GGA3: variants seen among roughly 807,000 people sequenced by gnomAD.
The protein encoded by GGA3 is ADP-ribosylation factor-binding protein GGA3.
In GGA3, 57 loss-of-function variants were observed where a neutral mutation model predicts 77.5. The observed-to-expected ratio is 0.74, with a 90% confidence interval of 0.59 to 0.92. The LOEUF is 0.92. Ranked by LOEUF, GGA3 falls within the 40% of genes least tolerant of loss-of-function variation. The probability of loss-of-function intolerance (pLI) is 0.00; values close to 1 mark genes in which losing one functional copy is unlikely to be tolerated. For missense variants in GGA3, 970 were observed against 914.9 expected (o/e 1.06, Z -0.78); for synonymous variants, 416 against 383.7 (o/e 1.08, Z -0.98).
At chr17:75,247,539 G>C (rs1175240101) in intron 1 of GGA3, among the ~76,000 whole-genome samples, 1 of 152,188 alleles carries the variant, frequency 6.6e-6, no homozygotes, top group Non-Finnish European at 1.5e-5. Flanking sequence ...TGGGATTACA[G>C]GCGTGAGTCA....
At chr17:75,260,325 CTT>C (rs1598464572) in intron 1 of GGA3, among the ~76,000 whole-genome samples, 1 of 152,282 alleles carries the variant, frequency 6.6e-6, no homozygotes, top group Admixed American at 6.5e-5. Flanking sequence ...AGGATGTCCT[CTT>C]TTTGTGAAAT....
At chr17:75,261,121 A>T (rs1450865877) in intron 1 of GGA3, among the ~76,000 whole-genome samples, 1 of 152,246 alleles carries the variant, frequency 6.6e-6, no homozygotes, top group Non-Finnish European at 1.5e-5. Flanking sequence ...AGTCGGCAGC[A>T]CCCACCACTA....
At chr17:75,249,624 CAA>C in intron 1 of GGA3, among the ~76,000 whole-genome samples, 1 of 152,232 alleles carries the variant, frequency 6.6e-6, no homozygotes, top group Middle Eastern at 3.4e-3. Flanking sequence ...CACATAACAC[CAA>C]AAGTCTACAG....
In GGA3 at chr17:75,261,572, C is replaced by T; in HGVS notation, c.16G>A (p.Gly6Arg). The change falls in exon 1 of 17, where the codon GGG becomes AGG. Residue 6 changes from glycine to arginine, a missense_variant. Gly to Arg is a moderately radical substitution (Grantham distance 125, BLOSUM62 -2). Coordinates refer to ENST00000537686, the MANE Select transcript of GGA3 (RefSeq NM_138619.4). Reference sequence around the variant, plus strand: ...CTGAGCCAGGACTCCAGGCTTTCCCCTTCCGCCTCCGCCATATTGCAGCCG... The same window carrying T: ...CTGAGCCAGGACTCCAGGCTTTCCCTTTCCGCCTCCGCCATATTGCAGCCG... MAEAE[G>R]ESLESWLNKA... is the part of the protein sequence containing the mutation. The T allele has an allele frequency of 8.4e-6, 13 of 1,555,456 alleles. No homozygotes were observed. The highest frequency in any genetic ancestry group is 2.3e-5 in the East Asian group (1 of 42,602).
upstream of GGA3, chr17:75,261,710 C>A: frequency 1.7e-6 from 2 of 1,160,042 alleles, no homozygotes; most frequent in Non-Finnish European, 2.4e-6. Context: ...CGCCAGACTG[C>A]GACGGATACA....
rs760309497 is a variant in GGA3 at position 75,238,232 on chromosome 17, G to C, written c.*47C>G. The C allele has an allele frequency of 6.2e-7, 1 of 1,601,440 alleles. No individual in the cohort carries two copies. Among genetic ancestry groups the C allele is most frequent in the African/African-American group, 1.3e-5 (1 of 74,722 alleles). On this transcript the variant is annotated 3_prime_UTR_variant, in exon 17 of 17. Coordinates refer to ENST00000537686, the MANE Select transcript of GGA3 (RefSeq NM_138619.4). ...CGGGACCAGAGCCCTCCTCGTCTCAGGGCAGCCTGCCTGGCTTCAAGGTGG... is the reference window on the plus strand; with the variant it reads ...CGGGACCAGAGCCCTCCTCGTCTCACGGCAGCCTGCCTGGCTTCAAGGTGG...
chr17:75,253,298 ATTCCT>A (rs1163300227), intron 1 of GGA3, among the ~76,000 whole-genome samples: 1 of 151,856 alleles, frequency 6.6e-6, no homozygotes, highest in Non-Finnish European at 1.5e-5. Context: ...CTTAATTTCA[ATTCCT>A]TTCATTTTCT....
upstream of GGA3, chr17:75,262,036 C>T (rs2077407423): frequency 6.3e-7 from 1 of 1,590,196 alleles, no homozygotes; most frequent in African/African-American, 1.3e-5. Context: ...GGAAGGGGGC[C>T]ACAGGCAGGC....
In GGA3 at chr17:75,237,075, T is replaced by C; in HGVS notation, c.*1204A>G. ...CTTCCCCCGTGTCTATGGCAGCTGG[T>C]GATTTTTTTTTTGTGACGGAGGCTT... On this transcript the variant is annotated 3_prime_UTR_variant, in exon 17 of 17. Transcript: ENST00000537686. The C allele has an allele frequency of 4.4e-6, 1 of 229,130 alleles. No homozygotes were observed. The highest frequency in any genetic ancestry group is 9.8e-5 in the East Asian group (1 of 10,254). The allele number at this position is 229,130 out of a possible 1,614,324, so 14.2% of individuals were successfully genotyped here. A position where few individuals can be genotyped will look rare whatever the true frequency, so the allele number is the denominator to read the frequency against.
chr17:75,251,835 G>A (rs577444909), intron 1 of GGA3, among the ~76,000 whole-genome samples: 12 of 147,368 alleles, frequency 8.1e-5, no homozygotes, highest in Admixed American at 6.8e-4. Flanking sequence ...GCAGTGGTGC[G>A]ATCATGGCTT....
chr17:75,240,318 C>T (rs1218612704), intron 12 of GGA3, 24 bp downstream of exon 12: 7 of 1,506,306 alleles, frequency 4.6e-6, no homozygotes, highest in Non-Finnish European at 6.4e-6. Flanking sequence ...CACAGTAGTG[C>T]TGTCACCGAT....
At chr17:75,250,579 A>G (rs781088513) in intron 1 of GGA3, among the ~76,000 whole-genome samples, 3 of 151,480 alleles carry the variant, frequency 2.0e-5, no homozygotes, top group African/African-American at 7.3e-5. Flanking sequence ...CCTGTTCAAC[A>G]TGGTGAAATC....
At position 75,261,575 on chromosome 17, in the gene GGA3, C is replaced by T; in HGVS notation, c.13G>A (p.Glu5Lys). 3.9e-6 allele frequency: 6 copies of T among 1,555,984 alleles called. No homozygotes were observed. Among genetic ancestry groups the T allele is most frequent in the East Asian group, 2.3e-5 (1 of 42,604 alleles). Residue 5 changes from glutamate (E) to lysine (K), a missense_variant, in exon 1 of 17, where the codon GAA becomes AAA. Physicochemically the swap from Glu to Lys is moderately conservative, Grantham distance 56. Coordinates refer to ENST00000537686, the MANE Select transcript of GGA3 (RefSeq NM_138619.4). ...AGCCAGGACTCCAGGCTTTCCCCTTCCGCCTCCGCCATATTGCAGCCGCCC... is the reference window on the plus strand; with the variant it reads ...AGCCAGGACTCCAGGCTTTCCCCTTTCGCCTCCGCCATATTGCAGCCGCCC... Reference protein sequence around the residue: MAEAEGESLESWLNK... With the variant: MAEAKGESLESWLNK...
Position 75,237,625 on chromosome 17 carries a change from CCA to C in GGA3, c.*652_*653del. 6.6e-7 allele frequency: 1 copy of C among 1,521,634 alleles called. No homozygotes were observed. The highest frequency in any genetic ancestry group is 8.8e-7 in the Non-Finnish European group (1 of 1,138,632). The allele number at this position is 1,521,634 out of a possible 1,614,324, so 94.3% of individuals were successfully genotyped here. A position where few individuals can be genotyped will look rare whatever the true frequency, so the allele number is the denominator to read the frequency against. ...CAAATTCCATGTCCTGCCAAGATGT[CCA>C]TAGGACACAGCCTGCCACTGCCAGG... On this transcript the variant is annotated 3_prime_UTR_variant, in exon 17 of 17. Transcript: ENST00000537686.
intron 13 of GGA3, 35 bp downstream of exon 13, chr17:75,239,754 C>A (rs184770412): frequency 6.8e-6 from 11 of 1,607,442 alleles, no homozygotes; most frequent in African/African-American, 1.3e-5. Flanking sequence ...TCAGGCCCAA[C>A]CCTCAGCAAC....
At chr17:75,240,543 G>A (rs957989321) in intron 11 of GGA3, 131 bp from the exon 12 acceptor site, 14 of 692,560 alleles carry the variant, frequency 2.0e-5, no homozygotes, top group South Asian at 5.4e-5. Context: ...CTGTTCTGCA[G>A]GCAGCCTCCA....
chr17:75,244,589 C>T, intron 4 of GGA3, 30 bp downstream of exon 4: 1 of 1,414,024 alleles, frequency 7.1e-7, no homozygotes, highest in Non-Finnish European at 1.0e-6. Flanking sequence ...AAAGAAGTCC[C>T]TAAAAGCGAG....
At position 75,238,211 on chromosome 17, in the gene GGA3, A is replaced by C; in HGVS notation, c.*68T>G. 1 of 1,581,316 alleles carries C rather than the reference A, an allele frequency of 6.3e-7. No individual in the cohort carries two copies. The highest frequency in any genetic ancestry group is 1.7e-4 in the Middle Eastern group (1 of 5,770). Reference sequence around the variant, plus strand: ...TTGTCAGGGCATGGAGAGTGACGGGACCAGAGCCCTCCTCGTCTCAGGGCA... The same window carrying C: ...TTGTCAGGGCATGGAGAGTGACGGGCCCAGAGCCCTCCTCGTCTCAGGGCA... On this transcript the variant is annotated 3_prime_UTR_variant, in exon 17 of 17. Coordinates refer to ENST00000537686, the MANE Select transcript of GGA3 (RefSeq NM_138619.4).
At chr17:75,256,694 C>A (rs1280632386) in intron 1 of GGA3, among the ~76,000 whole-genome samples, 1 of 152,080 alleles carries the variant, frequency 6.6e-6, no homozygotes, top group Non-Finnish European at 1.5e-5. Flanking sequence ...CTCAGTGTTC[C>A]ATCTGCTATT....
Sources: gnomAD v4.1 joint callset for allele counts (sites outside exome capture counted in the v4.1 genomes callset) on GRCh38, gnomAD v4.1.1 for gene constraint, MANE v1.5 for transcripts, NCBI Gene and HGNC (gene_info 2026-07-23, HGNC 2026-07-21) for gene names.